Variants in GRHL2 observed in about 807,000 individuals in gnomAD.
GRHL2 encodes grainyhead-like protein 2 homolog.
In GRHL2, 21 loss-of-function variants were observed where a neutral mutation model predicts 83.8. That is an observed-to-expected ratio of 0.25 (90% CI 0.18 to 0.36). The LOEUF is 0.36. GRHL2 is among the 10% of genes least tolerant of loss of function. The pLI is 1.00. For synonymous variants in GRHL2, 280 were observed against 278.9 expected, an observed-to-expected ratio of 1.00 and a Z score of -0.04; for missense variants, 623 against 781.8, an observed-to-expected ratio of 0.80 and a Z score of 2.42.
At chr8:101,645,467 T>C (rs1813494291) in intron 13 of GRHL2, among the ~76,000 whole-genome samples, 1 of 152,138 alleles carries the variant, frequency 6.6e-6, no homozygotes, top group Non-Finnish European at 1.5e-5. Context: ...TTGAGTACTT[T>C]GTTATTGAGA....
intron 1 of GRHL2, among the ~76,000 whole-genome samples, chr8:101,523,040 G>T: frequency 6.6e-6 from 1 of 151,672 alleles, no homozygotes; most frequent in East Asian, 1.9e-4. Flanking sequence ...CTCCTGAGTA[G>T]CTGGGATTAC....
Position 101,527,895 on chromosome 8 carries a change from G to C in GRHL2, c.21-15346G>C, listed in dbSNP as rs62519109. ...AGTGATATGGATGAGAAGTTTATTG[G>C]CTGGCAGTTTCTAGTTCTGTTCTGT... is the stretch of plus-strand genomic sequence containing the variant. On this transcript the variant is annotated intron_variant, in intron 1 of 15. Transcript: ENST00000646743. Among the ~76,000 whole-genome samples, 292 of 152,192 alleles carry C rather than the reference G, an allele frequency of 1.9e-3. 1 individual carries two copies. Among genetic ancestry groups the C allele is most frequent in the Non-Finnish European group, 3.5e-3 (237 of 67,998 alleles).
chr8:101,637,210 T>C (rs1813305873), intron 12 of GRHL2, among the ~76,000 whole-genome samples: 1 of 152,198 alleles, frequency 6.6e-6, no homozygotes, highest in African/African-American at 2.4e-5. Context: ...ATCCCTTCCA[T>C]TCCATCCTTT....
At chr8:101,674,666 C>G (rs1814266543), downstream of GRHL2, among the ~76,000 whole-genome samples, 1 of 152,106 alleles carries the variant, frequency 6.6e-6, no homozygotes, top group South Asian at 2.1e-4. Context: ...TGAAACTATT[C>G]CAATCAATAG....
chr8:101,504,234 C>T (rs1810289483), intron 1 of GRHL2, among the ~76,000 whole-genome samples: 1 of 152,198 alleles, frequency 6.6e-6, no homozygotes, highest in Non-Finnish European at 1.5e-5. Flanking sequence ...CCTGTCGGTT[C>T]TGTGCTATTC....
At chr8:101,630,759 C>T (rs1019863368) in intron 9 of GRHL2, among the ~76,000 whole-genome samples, 5 of 152,158 alleles carry the variant, frequency 3.3e-5, no homozygotes, top group Non-Finnish European at 2.9e-5. Context: ...AATTCTTCCA[C>T]AGCAAGAGTA....
At chr8:101,636,755 A>G in intron 11 of GRHL2, 142 bp from the exon 12 acceptor site, 1 of 736,340 alleles carries the variant, frequency 1.4e-6, no homozygotes, top group Non-Finnish European at 2.5e-6. Flanking sequence ...ACACACACAC[A>G]CACACACACA....
chr8:101,492,995 T>TC (rs1429897880), intron 1 of GRHL2: 6 of 630,812 alleles, frequency 9.5e-6, no homozygotes, highest in Non-Finnish European at 1.7e-5. Flanking sequence ...ATATTTAATA[T>TC]CCCCTTTGGG....
At chr8:101,497,674 T>C (rs1810135933) in intron 1 of GRHL2, among the ~76,000 whole-genome samples, 1 of 152,216 alleles carries the variant, frequency 6.6e-6, no homozygotes, top group African/African-American at 2.4e-5. Flanking sequence ...ACAGGGAATT[T>C]CCATCTAAAC....
At chr8:101,666,507 C>G in intron 15 of GRHL2, 82 bp from the exon 16 acceptor site, 1 of 801,096 alleles carries the variant, frequency 1.2e-6, no homozygotes, top group Non-Finnish European at 2.2e-6. Context: ...GCTACGAGAA[C>G]CCCCAGCCTG....
Position 101,647,406 on chromosome 8 carries a change from C to CTT in GRHL2, c.1613-2000_1613-1999dup, listed in dbSNP as rs5893579. Among the ~76,000 whole-genome samples the CTT allele has an allele frequency of 2.3e-3, 354 of 151,390 alleles. 8 individuals carry two copies. In the East Asian group the frequency reaches 0.058, roughly 25 times the overall value. On this transcript the variant is annotated intron_variant, in intron 13 of 15. Coordinates refer to ENST00000646743, the MANE Select transcript of GRHL2 (RefSeq NM_024915.4). Reference sequence around the variant, plus strand: ...TTGGGGGTCAGCCTGCTGGAAATTCCTTTTTTTTTCCTGTTGGGGGCTGCA... The same window carrying CTT: ...TTGGGGGTCAGCCTGCTGGAAATTCCTTTTTTTTTTTCCTGTTGGGGGCTGCA...
chr8:101,577,563 C>T, intron 7 of GRHL2, 44 bp downstream of exon 7: 1 of 1,297,090 alleles, frequency 7.7e-7, no homozygotes, highest in Non-Finnish European at 1.1e-6. Flanking sequence ...GATAAACTGA[C>T]ATGTTGTCTC....
intron 7 of GRHL2, among the ~76,000 whole-genome samples, chr8:101,591,245 A>G (rs962502223): frequency 1.3e-5 from 2 of 152,236 alleles, no homozygotes; most frequent in Non-Finnish European, 2.9e-5. Context: ...AAAGCATTGC[A>G]CTTTCACACA....
At chr8:101,497,711 A>C (rs997081150) in intron 1 of GRHL2, among the ~76,000 whole-genome samples, 1 of 152,230 alleles carries the variant, frequency 6.6e-6, no homozygotes, top group Non-Finnish European at 1.5e-5. Flanking sequence ...TAATTGCCTT[A>C]AATAGGGCAA....
chr8:101,667,341 A>C lies in GRHL2; in HGVS notation c.*638A>C, dbSNP rs979611042. The C allele has an allele frequency of 1.2e-5, 2 of 163,422 alleles. No individual in the cohort carries two copies. The highest frequency in any genetic ancestry group is 2.7e-5 in the Non-Finnish European group (2 of 73,550). 10.1% of individuals were successfully genotyped at this position (163,422 alleles called of 1,614,324 possible). A position where few individuals can be genotyped will look rare whatever the true frequency, so the allele number is the denominator to read the frequency against. ...GAAAGTCTGCCTGTCTGCATTGTACATAGTGTTTATAATATTGTAATAATA... is the reference window on the plus strand; with the variant it reads ...GAAAGTCTGCCTGTCTGCATTGTACCTAGTGTTTATAATATTGTAATAATA... On this transcript the variant is annotated 3_prime_UTR_variant, in exon 16 of 16. Transcript: ENST00000646743.
At chr8:101,527,416 G>C (rs555791750) in intron 1 of GRHL2, among the ~76,000 whole-genome samples, 3 of 152,184 alleles carry the variant, frequency 2.0e-5, no homozygotes, top group Admixed American at 2.0e-4. Flanking sequence ...GCCCAGGCTG[G>C]TCTCAAACTC....
intron 1 of GRHL2, among the ~76,000 whole-genome samples, chr8:101,513,960 T>C (rs773198392): frequency 7.2e-5 from 11 of 152,190 alleles, no homozygotes; most frequent in Non-Finnish European, 1.5e-4. Context: ...ATGTCTTCTA[T>C]GCTCCCTTTG....
intron 2 of GRHL2, among the ~76,000 whole-genome samples, chr8:101,551,746 C>A (rs965651298): frequency 6.8e-6 from 1 of 148,042 alleles, no homozygotes; most frequent in Non-Finnish European, 1.5e-5. Flanking sequence ...ATGCAGTAGA[C>A]GATTAGATGA....
chr8:101,593,804 A>C lies in GRHL2; in HGVS notation c.1004-5253A>C, dbSNP rs575468679. Among the ~76,000 whole-genome samples the C allele has an allele frequency of 6.1e-4, 93 of 152,130 alleles. 1 individual carries two copies. Among genetic ancestry groups the C allele is most frequent in the Admixed American group, 5.4e-3 (83 of 15,282 alleles). ...GAACAGGCTGGGCATGGTGGCTCACACCTGTAATCCCAGCACTTTGGGAGA... is the reference window on the plus strand; with the variant it reads ...GAACAGGCTGGGCATGGTGGCTCACCCCTGTAATCCCAGCACTTTGGGAGA... On this transcript the variant is annotated intron_variant, in intron 7 of 15. Transcript: ENST00000646743.
Sources: gnomAD v4.1 joint callset for allele counts (sites outside exome capture counted in the v4.1 genomes callset) on GRCh38, gnomAD v4.1.1 for gene constraint, MANE v1.5 for transcripts, NCBI Gene and HGNC (gene_info 2026-07-23, HGNC 2026-07-21) for gene names.